Variants in SLC43A1 observed in about 807,000 individuals in gnomAD.
SLC43A1 encodes the protein solute carrier family 43 member 1.
A neutral mutation model predicts 59.5 loss-of-function variants in SLC43A1; 31 were observed. The observed-to-expected ratio is 0.52, with a 90% confidence interval of 0.39 to 0.70. The LOEUF (loss-of-function observed/expected upper bound fraction) is 0.70, where lower values mean the gene tolerates loss of function less well. Among genes scored for constraint, SLC43A1 ranks in the 30% least tolerant of loss-of-function variants. SLC43A1 has a pLI of 0.00. For missense variants in SLC43A1, 598 were observed against 717.8 expected, an observed-to-expected ratio of 0.83 and a Z score of 1.91; for synonymous variants, 259 against 290.9, an observed-to-expected ratio of 0.89 and a Z score of 1.12.
At chr11:57,507,499 C>T (rs777262211) in intron 2 of SLC43A1, among the ~76,000 whole-genome samples, 1 of 152,074 alleles carries the variant, frequency 6.6e-6, no homozygotes, top group East Asian at 1.9e-4. Flanking sequence ...AAAAATTAGC[C>T]GTGCGTGGTG....
intron 2 of SLC43A1, 161 bp from the exon 3 acceptor site, chr11:57,501,490 G>T: frequency 1.5e-6 from 1 of 663,834 alleles, no homozygotes; most frequent in Non-Finnish European, 2.6e-6. Flanking sequence ...TCCAGAAATG[G>T]CAGCCATTAG....
rs199510188 is a variant in SLC43A1 at position 57,501,156 on chromosome 11, C to A, written c.328G>T (p.Gly110Cys). 4 of 1,612,566 alleles carry A rather than the reference C, an allele frequency of 2.5e-6. No individual in the cohort carries two copies. The East Asian group carries it at 8.9e-5, about 36-fold the overall frequency. Residue 110 changes from glycine to cysteine, a missense_variant, in exon 3 of 15, where the codon GGC (glycine) becomes TGC (cysteine). By Grantham distance (159) the Gly-to-Cys change is radical. Transcript: ENST00000278426. Reference protein sequence around the residue: ...RFGPRPVRLVGSACFTASCTL... With the variant: ...RFGPRPVRLVCSACFTASCTL... ...CCCATAGCCCAGCCACCTCACCTGC[C>A]AACCAGCCGCACGGGTCGGGGGCCA...
chr11:57,491,589 A>G lies in SLC43A1; in HGVS notation c.1054+2T>C. On this transcript the variant is annotated splice_donor_variant, in intron 10 of 14. Transcript: ENST00000278426. LOFTEE classifies it high-confidence loss of function. The stretch of plus-strand genomic sequence containing the variant: ...GCCAGGGCCCTGCTTTCATAGCCCT[A>G]CCTGTCTCTGCCACCTTTTGTTGCT... 1.2e-6 allele frequency: 2 copies of G among 1,613,962 alleles called. No individual in the cohort carries two copies. The highest frequency in any genetic ancestry group is 1.7e-6 in the Non-Finnish European group (2 of 1,179,964).
At position 57,500,983 on chromosome 11, in the gene SLC43A1, C is replaced by G; in HGVS notation, c.388+5G>C. The G allele has an allele frequency of 6.3e-7, 1 of 1,598,468 alleles. No homozygotes were observed. The highest frequency in any genetic ancestry group is 1.1e-5 in the South Asian group (1 of 89,160). ...TGTGGGGCCACAAGAGGACAGACAA[C>G]TCACCTTCCACGTCCCGGGAGGCCA... On this transcript the variant is annotated splice_donor_5th_base_variant and intron_variant, in intron 4 of 14. Transcript: ENST00000278426.
At chr11:57,486,935 G>C (rs532871853) in intron 14 of SLC43A1, among the ~76,000 whole-genome samples, 160 bp downstream of exon 14, 1 of 152,192 alleles carries the variant, frequency 6.6e-6, no homozygotes, top group African/African-American at 2.4e-5. Flanking sequence ...TTAACACTCC[G>C]TGAGGGGTTC....
chr11:57,485,155 A>G lies in SLC43A1; in HGVS notation c.1621T>C (p.Tyr541His). Residue 541 changes from tyrosine (Y) to histidine (H), a missense_variant, in exon 15 of 15, where the codon TAC (tyrosine) becomes CAC (histidine). Tyr to His is a moderately conservative substitution (Grantham distance 83). Transcript: ENST00000278426. Reference sequence around the variant, plus strand: ...AGTGGGCCCATCCCATTGGCGGCGTACTCCTGCTGGAGCCGGGCACGGTAA... The same window carrying G: ...AGTGGGCCCATCCCATTGGCGGCGTGCTCCTGCTGGAGCCGGGCACGGTAA... ...FYYRARLQQE[Y>H]AANGMGPLKV... is the part of the protein sequence containing the mutation. 1 of 1,613,848 alleles carries G rather than the reference A, an allele frequency of 6.2e-7. No homozygotes were observed. The highest frequency in any genetic ancestry group is 8.5e-7 in the Non-Finnish European group (1 of 1,179,968).
At chr11:57,501,446 T>G in intron 2 of SLC43A1, 117 bp from the exon 3 acceptor site, 1 of 1,014,104 alleles carries the variant, frequency 9.9e-7, no homozygotes, top group Non-Finnish European at 1.5e-6. Flanking sequence ...CCTTTGGGGG[T>G]ACCCTAGAGT....
Position 57,514,814 on chromosome 11 carries a change from C to T in SLC43A1, c.-14+630G>A. ...GCTCGGGGCACCAGGCTTTGCACCT[C>T]GGAACCCGCTTGCCCCCCTCCAGCC... is the stretch of plus-strand genomic sequence containing the variant. On this transcript the variant is annotated intron_variant, in intron 1 of 14. Coordinates refer to ENST00000278426, the MANE Select transcript of SLC43A1 (RefSeq NM_003627.6). The surrounding 1 kb of genome is among the most constrained non-coding windows in gnomAD (Gnocchi z 5.5). 1.0e-6 allele frequency: 1 copy of T among 985,548 alleles called. No homozygotes were observed. Among genetic ancestry groups the T allele is most frequent in the Non-Finnish European group, 1.2e-6 (1 of 830,042 alleles). 61.1% of individuals were successfully genotyped at this position (985,548 alleles called of 1,614,324 possible). A position where few individuals can be genotyped will look rare whatever the true frequency, so the allele number is the denominator to read the frequency against.
rs775733261 is a variant in SLC43A1, at chr11:57,491,371, G to A, written c.1055-9C>T. 6 of 1,584,740 alleles carry A rather than the reference G, an allele frequency of 3.8e-6. No individual in the cohort carries two copies. The highest frequency in any genetic ancestry group is 2.2e-5 in the East Asian group (1 of 44,624). On this transcript the variant is annotated splice_polypyrimidine_tract_variant and intron_variant, in intron 10 of 14. Coordinates refer to ENST00000278426, the MANE Select transcript of SLC43A1 (RefSeq NM_003627.6). ...GGAGGAGTAGAACCCAACTGGGCAG[G>A]ATGGGAAGGGCAGTGGGGTCAGGAA...
At chr11:57,499,766 G>C (rs1047808286) in intron 5 of SLC43A1, 1 of 152,458 alleles carries the variant, frequency 6.6e-6, no homozygotes, top group Admixed American at 6.5e-5. Flanking sequence ...GGAGATTACA[G>C]GAGGCGGGGA....
At position 57,491,609 on chromosome 11, in the gene SLC43A1, G is replaced by GTTGC; in HGVS notation, c.1032_1035dup (p.Gln346AlafsTer209). 1 of 1,614,148 alleles carries GTTGC rather than the reference G, an allele frequency of 6.2e-7. No homozygotes were observed. Among genetic ancestry groups the GTTGC allele is most frequent in the Non-Finnish European group, 8.5e-7 (1 of 1,180,020 alleles). On this transcript the variant is annotated frameshift_variant, in exon 10 of 15. Coordinates refer to ENST00000278426, the MANE Select transcript of SLC43A1 (RefSeq NM_003627.6). LOFTEE classifies it high-confidence loss of function. ...GCCCTACCTGTCTCTGCCACCTTTT[G>GTTGC]TTGCTGTTCATTTGTCTCTGTGGGT... is the stretch of plus-strand genomic sequence containing the variant.
chr11:57,513,349 G>T (rs889892917), intron 2 of SLC43A1, among the ~76,000 whole-genome samples: 2 of 152,202 alleles, frequency 1.3e-5, no homozygotes, highest in African/African-American at 4.8e-5. Flanking sequence ...CACCAGCAGT[G>T]GTAACTCCCT....
At chr11:57,508,199 G>A (rs1378453270) in intron 2 of SLC43A1, among the ~76,000 whole-genome samples, 1 of 151,664 alleles carries the variant, frequency 6.6e-6, no homozygotes, top group East Asian at 1.9e-4. Context: ...CCTGGGAGGC[G>A]GAGGTTGCAG....
chr11:57,492,735 CAAAAAAAAA>C (rs56237225), intron 8 of SLC43A1, among the ~76,000 whole-genome samples: 1 of 83,512 alleles, frequency 1.2e-5, no homozygotes, highest in East Asian at 3.5e-4. Flanking sequence ...CTCTATTTTA[CAAAAAAAAA>C]AAAAAAAAAA....
chr11:57,499,440 C>T (rs1054935398), intron 5 of SLC43A1: 2 of 152,294 alleles, frequency 1.3e-5, no homozygotes, highest in Admixed American at 6.5e-5. Context: ...TTTTCCTGCA[C>T]CCTGCATCCG....
Position 57,501,202 on chromosome 11 carries a change from C to CA in SLC43A1, c.281dup (p.Ile96AspfsTer131), listed in dbSNP as rs1335222360. The stretch of plus-strand genomic sequence containing the variant: ...GGCCAAAGCGGTCCATGAGGATCCC[C>CA]AGTGGCAGGGTGGTGGCGCTGAGCA... On this transcript the variant is annotated frameshift_variant, in exon 3 of 15. Coordinates refer to ENST00000278426, the MANE Select transcript of SLC43A1 (RefSeq NM_003627.6). LOFTEE classifies it high-confidence loss of function. 1 of 1,612,490 alleles carries CA rather than the reference C, an allele frequency of 6.2e-7. No individual in the cohort carries two copies. The highest frequency in any genetic ancestry group is 2.2e-5 in the East Asian group (1 of 44,892).
chr11:57,485,482 C>T (rs1420837872), intron 14 of SLC43A1, among the ~76,000 whole-genome samples: 1 of 152,162 alleles, frequency 6.6e-6, no homozygotes, highest in Non-Finnish European at 1.5e-5. Context: ...GTGCCCACAC[C>T]ATATGGCACT....
At chr11:57,505,547 AC>A (rs1944374048) in intron 2 of SLC43A1, among the ~76,000 whole-genome samples, 1 of 152,026 alleles carries the variant, frequency 6.6e-6, no homozygotes, top group Non-Finnish European at 1.5e-5. Flanking sequence ...ATAACAAAAA[AC>A]GATACACGTA....
At chr11:57,499,775 G>C (rs1006237497) in intron 5 of SLC43A1, 1 of 152,478 alleles carries the variant, frequency 6.6e-6, no homozygotes, top group African/African-American at 2.4e-5. Flanking sequence ...AGGAGGCGGG[G>C]ACATAGCAGG....
Sources: allele counts gnomAD v4.1 joint callset (sites outside exome capture counted in the v4.1 genomes callset), GRCh38; gene constraint gnomAD v4.1.1; non-coding constraint Gnocchi (gnomAD v3.1); transcripts MANE v1.5; gene names NCBI Gene and HGNC (gene_info 2026-07-23, HGNC 2026-07-21).